The following RIMS2 variants were observed in gnomAD, a reference collection of about 807,000 sequenced individuals.
RIMS2 encodes regulating synaptic membrane exocytosis protein 2.
Under a neutral mutation model 174.4 loss-of-function variants are expected in RIMS2, and 59 were observed. The ratio of observed to expected loss-of-function variants is 0.34; its 90% CI spans 0.27 to 0.42. RIMS2 has a LOEUF of 0.42. Among genes scored for constraint, RIMS2 ranks in the 10% least tolerant of loss-of-function variants. The pLI is 1.00. For synonymous variants in RIMS2, 606 were observed against 572.5 expected, an observed-to-expected ratio of 1.06 and a Z score of -0.84; for missense variants, 1,620 against 1,666.3, an observed-to-expected ratio of 0.97 and a Z score of 0.48.
chr8:103,737,988 C>G (rs368595144), intron 2 of RIMS2, among the ~76,000 whole-genome samples: 137 of 152,192 alleles, frequency 9.0e-4, no homozygotes, highest in African/African-American at 3.2e-3. Context: ...TGTATCTTCT[C>G]CACTAGACGA....
At chr8:103,842,464 T>C (rs1230723041) in intron 3 of RIMS2, among the ~76,000 whole-genome samples, 1 of 151,952 alleles carries the variant, frequency 6.6e-6, no homozygotes, top group Non-Finnish European at 1.5e-5. Context: ...AAACACTAAG[T>C]AAATAATAAC....
chr8:103,618,172 C>T (rs1345959803), intron 1 of RIMS2, among the ~76,000 whole-genome samples: 1 of 152,022 alleles, frequency 6.6e-6, no homozygotes, highest in African/African-American at 2.4e-5. Context: ...AAATGAAGAT[C>T]ATATCTTTTG....
intron 2 of RIMS2, among the ~76,000 whole-genome samples, chr8:103,749,454 T>G (rs1195295106): frequency 6.6e-6 from 1 of 152,180 alleles, no homozygotes; most frequent in Non-Finnish European, 1.5e-5. Flanking sequence ...TCTTTTCATT[T>G]TTTAAACTAT....
intron 1 of RIMS2, among the ~76,000 whole-genome samples, chr8:103,524,040 A>C (rs1247051771): frequency 1.3e-5 from 2 of 152,182 alleles, no homozygotes; most frequent in African/African-American, 4.8e-5. Context: ...GACAACTGTA[A>C]TTGTAATAAA....
chr8:103,788,851 C>T lies in RIMS2; in HGVS notation c.698+22314C>T, dbSNP rs959487467. 4.8e-4 allele frequency among the ~76,000 whole-genome samples: 73 copies of T among 152,186 alleles called. 1 individual carries two copies. The highest frequency in any genetic ancestry group is 3.9e-4 in the East Asian group (2 of 5,184). ...TTATCTAAGCAAGCCTGGGCAATGG[C>T]GGGCGCCCCTCCCCCAGCCTCGCCG... On this transcript the variant is annotated intron_variant, in intron 3 of 23. Coordinates refer to ENST00000504942, the Ensembl canonical transcript of RIMS2.
intron 1 of RIMS2, among the ~76,000 whole-genome samples, chr8:103,560,571 C>T (rs1470127298): frequency 6.6e-6 from 1 of 152,090 alleles, no homozygotes; most frequent in African/African-American, 2.4e-5. Flanking sequence ...ACTATGCTTA[C>T]TCATTGACTC....
intron 5 of RIMS2, 30 bp from the exon 8 acceptor site, chr8:103,910,291 C>CTTTTTT: frequency 7.8e-7 from 1 of 1,284,558 alleles, no homozygotes. Flanking sequence ...TTTTTTGTAT[C>CTTTTTT]TTTTTTTTTT....
chr8:104,021,693 C>T (rs2096094214), intron 19 of RIMS2, among the ~76,000 whole-genome samples: 1 of 152,156 alleles, frequency 6.6e-6, no homozygotes, highest in African/African-American at 2.4e-5. Context: ...CTTTTACCTT[C>T]AGACTGTTAT....
At chr8:104,031,181 T>A (rs919514277) in intron 19 of RIMS2, among the ~76,000 whole-genome samples, 1 of 152,118 alleles carries the variant, frequency 6.6e-6, no homozygotes, top group Non-Finnish European at 1.5e-5. Context: ...TTTATGAAGA[T>A]ACTAAATATG....
chr8:103,928,656 T>C (rs1213426975), intron 11 of RIMS2, among the ~76,000 whole-genome samples: 1 of 151,264 alleles, frequency 6.6e-6, no homozygotes, highest in Non-Finnish European at 1.5e-5. Flanking sequence ...TGTTTAAATT[T>C]TTAAAATTAA....
intron 1 of RIMS2, among the ~76,000 whole-genome samples, chr8:103,514,711 G>A (rs553859474): frequency 4.6e-5 from 7 of 151,984 alleles, no homozygotes; most frequent in Non-Finnish European, 1.0e-4. Flanking sequence ...CACCATTGAC[G>A]AGAAACTCTT....
chr8:104,094,700 G>T (rs967582704), intron 19 of RIMS2: 3 of 693,624 alleles, frequency 4.3e-6, no homozygotes, highest in African/African-American at 3.5e-5. Flanking sequence ...AAGAGGATTT[G>T]CAAAGGAGAT....
intron 19 of RIMS2, among the ~76,000 whole-genome samples, chr8:104,188,593 A>C (rs2098981839): frequency 6.6e-6 from 1 of 151,856 alleles, no homozygotes; most frequent in South Asian, 2.1e-4. Flanking sequence ...TTTTTGTAGT[A>C]GGCATTGTGC....
At chr8:104,195,050 G>A (rs2099017199) in intron 19 of RIMS2, among the ~76,000 whole-genome samples, 1 of 152,198 alleles carries the variant, frequency 6.6e-6, no homozygotes, top group Non-Finnish European at 1.5e-5. Flanking sequence ...ACAGTGACAT[G>A]GCCTAAGCTG....
chr8:103,808,980 C>CA (rs1156582363), intron 3 of RIMS2, among the ~76,000 whole-genome samples: 1 of 152,112 alleles, frequency 6.6e-6, no homozygotes, highest in African/African-American at 2.4e-5. Flanking sequence ...TCTGTTGACT[C>CA]AAAAAGCATT....
rs538158795 is a variant in RIMS2, at chr8:103,552,798, C to T, written c.176+51736C>T. Among the ~76,000 whole-genome samples, 27 of 152,312 alleles carry T rather than the reference C, an allele frequency of 1.8e-4. 1 individual carries two copies. In the South Asian group the frequency reaches 5.2e-3, roughly 29 times the overall value. On this transcript the variant is annotated intron_variant, in intron 1 of 23. Transcript: ENST00000504942. ...AAAGTGGGCAAAGGATATGAACAGA[C>T]ACTTCTCAAAAGAAGACATTTATGC...
intron 19 of RIMS2, among the ~76,000 whole-genome samples, chr8:104,078,211 G>A (rs1318801314): frequency 1.3e-5 from 2 of 150,540 alleles, no homozygotes; most frequent in African/African-American, 4.9e-5. Context: ...AAATTTTAGC[G>A]ATTTTGTATT....
intron 4 of RIMS2, among the ~76,000 whole-genome samples, chr8:103,888,168 T>C (rs1231491869): frequency 6.6e-6 from 1 of 151,352 alleles, no homozygotes; most frequent in East Asian, 1.9e-4. Context: ...AACTAATAAA[T>C]GATAAAATAT....
chr8:103,558,345 C>G (rs1288340690), intron 1 of RIMS2, among the ~76,000 whole-genome samples: 1 of 152,128 alleles, frequency 6.6e-6, no homozygotes, highest in African/African-American at 2.4e-5. Context: ...GAGCCTCAGC[C>G]TCCCGGTAGC....
Sources: allele counts gnomAD v4.1 joint callset (sites outside exome capture counted in the v4.1 genomes callset), GRCh38; gene constraint gnomAD v4.1.1; transcripts MANE v1.5; gene names NCBI Gene and HGNC (gene_info 2026-07-23, HGNC 2026-07-21).